KCNJ6: variants seen among roughly 807,000 people sequenced by gnomAD.
KCNJ6 encodes the protein G protein-activated inward rectifier potassium channel 2.
A neutral mutation model predicts 34.2 loss-of-function variants in KCNJ6; 9 were observed. That is an observed-to-expected ratio of 0.26 (90% CI 0.16 to 0.46). The LOEUF (loss-of-function observed/expected upper bound fraction) is 0.46. KCNJ6 is among the 20% of genes least tolerant of loss of function. KCNJ6 has a pLI of 1.00. For missense variants in KCNJ6, 236 were observed against 531.3 expected (o/e 0.44, Z 5.46); for synonymous variants, 196 against 207.1 (o/e 0.95, Z 0.46).
intron 1 of KCNJ6, among the ~76,000 whole-genome samples, chr21:37,866,167 T>C (rs2055621844): frequency 6.6e-6 from 1 of 152,144 alleles, no homozygotes; most frequent in Non-Finnish European, 1.5e-5. Context: ...GAAGACATTC[T>C]GTCTGTGGAT....
intron 3 of KCNJ6, among the ~76,000 whole-genome samples, chr21:37,666,162 C>T (rs2054513019): frequency 6.6e-6 from 1 of 152,156 alleles, no homozygotes; most frequent in Non-Finnish European, 1.5e-5. Context: ...TATCCTTGGG[C>T]AGAGGCTCAG....
At chr21:37,739,715 C>A (rs767746347) in intron 2 of KCNJ6, among the ~76,000 whole-genome samples, 1 of 152,012 alleles carries the variant, frequency 6.6e-6, no homozygotes, top group Non-Finnish European at 1.5e-5. Context: ...ATTGGAGAAG[C>A]TTGACATTGA....
chr21:37,700,113 G>C (rs1199679901), intron 3 of KCNJ6, among the ~76,000 whole-genome samples: 1 of 152,078 alleles, frequency 6.6e-6, no homozygotes, highest in Non-Finnish European at 1.5e-5. Flanking sequence ...AAAAAAAAAG[G>C]CATAATCTTT....
At chr21:37,630,973 T>G (rs2054331223) in intron 3 of KCNJ6, among the ~76,000 whole-genome samples, 1 of 152,130 alleles carries the variant, frequency 6.6e-6, no homozygotes, top group Non-Finnish European at 1.5e-5. Flanking sequence ...CCAAAGCACA[T>G]TGTGACCAAC....
At chr21:37,858,894 A>G (rs2055578653) in intron 1 of KCNJ6, among the ~76,000 whole-genome samples, 1 of 152,208 alleles carries the variant, frequency 6.6e-6, no homozygotes, top group Non-Finnish European at 1.5e-5. Flanking sequence ...AAGGTGAAGG[A>G]GGAAAGAAAC....
chr21:37,761,647 GTA>G (rs2055065010), intron 2 of KCNJ6, among the ~76,000 whole-genome samples: 1 of 150,036 alleles, frequency 6.7e-6, no homozygotes, highest in African/African-American at 2.5e-5. Context: ...TGTTGTGTGT[GTA>G]TATTTGTGTG....
chr21:37,859,009 T>C (rs1421397686), intron 1 of KCNJ6, among the ~76,000 whole-genome samples: 1 of 152,170 alleles, frequency 6.6e-6, no homozygotes, highest in East Asian at 1.9e-4. Flanking sequence ...GTATATATTA[T>C]AGAAGAACAA....
In KCNJ6 at chr21:37,615,109, C is replaced by T. The variant is rs1370342229; in HGVS notation, c.*10050G>A. 1 of 152,172 alleles carries T rather than the reference C, an allele frequency of 6.6e-6. No individual in the cohort carries two copies. Among genetic ancestry groups the T allele is most frequent in the African/African-American group, 2.4e-5 (1 of 41,414 alleles). The allele number at this position is 152,172 out of a possible 1,614,324, so 9.4% of individuals were successfully genotyped here. A position where few individuals can be genotyped will look rare whatever the true frequency, so the allele number is the denominator to read the frequency against. ...CTACCCTCTAATGCCCCATGAGACA[C>T]AGCAAGCTGACCAGGTAAACTATGG... On this transcript the variant is annotated 3_prime_UTR_variant, in exon 4 of 4. Coordinates refer to ENST00000609713, the MANE Select transcript of KCNJ6 (RefSeq NM_002240.5).
At chr21:37,808,413 A>C (rs2055304342) in intron 2 of KCNJ6, among the ~76,000 whole-genome samples, 1 of 152,218 alleles carries the variant, frequency 6.6e-6, no homozygotes, top group African/African-American at 2.4e-5. Context: ...GGCCTGTTGA[A>C]AACTTGAATG....
intron 2 of KCNJ6, among the ~76,000 whole-genome samples, chr21:37,811,358 G>A (rs1337646187): frequency 6.6e-6 from 1 of 152,176 alleles, no homozygotes; most frequent in Non-Finnish European, 1.5e-5. Flanking sequence ...GAGAGAATCA[G>A]AAGAACCCCA....
chr21:37,797,905 T>C (rs1005416049), intron 2 of KCNJ6, among the ~76,000 whole-genome samples: 1 of 152,246 alleles, frequency 6.6e-6, no homozygotes, highest in Non-Finnish European at 1.5e-5. Context: ...TTTGAGCTAC[T>C]GAACTGGACA....
At chr21:37,692,138 A>T (rs2054642732) in intron 3 of KCNJ6, among the ~76,000 whole-genome samples, 1 of 152,142 alleles carries the variant, frequency 6.6e-6, no homozygotes, top group Non-Finnish European at 1.5e-5. Context: ...GGCGCAACAA[A>T]CCACCATGGC....
At chr21:37,879,618 G>A (rs752264358) in intron 1 of KCNJ6, among the ~76,000 whole-genome samples, 6 of 151,856 alleles carry the variant, frequency 4.0e-5, no homozygotes, top group Non-Finnish European at 8.8e-5. Context: ...TTCCCCGGCT[G>A]AAGACTGGGT....
At chr21:37,856,512 G>T (rs2055566034) in intron 1 of KCNJ6, among the ~76,000 whole-genome samples, 1 of 152,142 alleles carries the variant, frequency 6.6e-6, no homozygotes, top group African/African-American at 2.4e-5. Flanking sequence ...CAAGACTGTG[G>T]ACTAGGTGAA....
intron 2 of KCNJ6, among the ~76,000 whole-genome samples, chr21:37,725,250 G>A (rs2054848219): frequency 6.6e-6 from 1 of 152,210 alleles, no homozygotes; most frequent in African/African-American, 2.4e-5. Flanking sequence ...AAAATTAGCT[G>A]GGCATGGTGG....
intron 2 of KCNJ6, among the ~76,000 whole-genome samples, chr21:37,768,084 CTT>C (rs201597411): frequency 4.7e-5 from 6 of 128,000 alleles, no homozygotes; most frequent in Admixed American, 7.9e-5. Flanking sequence ...TGTGTATGGA[CTT>C]TTTTTTTTTT....
rs372472729 is a variant in KCNJ6, at chr21:37,714,914, G to A, written c.243C>T (p.Phe81=). 1.4e-5 allele frequency: 22 copies of A among 1,614,096 alleles called. No individual in the cohort carries two copies. The African/African-American group carries it at 2.9e-4, about 22-fold the overall frequency. The change falls in exon 3 of 4, where the codon TTC becomes TTT. Residue 81 remains phenylalanine (F), a synonymous_variant. Coordinates refer to ENST00000609713, the MANE Select transcript of KCNJ6 (RefSeq NM_002240.5). This position sits in a 1 kb window ranked among gnomAD's most constrained non-coding sequence, Gnocchi z 5.9. ...TCCACTTCAGGTCCACTAATGTGGT[G>A]AAGATATCGGTCAGGTAGCGATAGG... is the stretch of plus-strand genomic sequence containing the variant. The part of the protein sequence containing the change: ...RETYRYLTDI[F]TTLVDLKWRF...
intron 2 of KCNJ6, among the ~76,000 whole-genome samples, chr21:37,774,449 T>C (rs914588035): frequency 3.9e-5 from 6 of 152,158 alleles, no homozygotes; most frequent in African/African-American, 7.2e-5. Flanking sequence ...GCTGCACCCA[T>C]TAACTCGACA....
intron 1 of KCNJ6, among the ~76,000 whole-genome samples, chr21:37,865,604 G>A (rs1433737878): frequency 1.3e-5 from 2 of 152,190 alleles, no homozygotes; most frequent in African/African-American, 4.8e-5. Flanking sequence ...TATGAATGGA[G>A]GAGCCAGCTT....
Sources: gnomAD v4.1 joint callset for allele counts (sites outside exome capture counted in the v4.1 genomes callset) on GRCh38, gnomAD v4.1.1 for gene constraint, Gnocchi (gnomAD v3.1) non-coding constraint, MANE v1.5 for transcripts, NCBI Gene and HGNC (gene_info 2026-07-23, HGNC 2026-07-21) for gene names.